The following NEK10 variants were observed in gnomAD, a reference collection of about 807,000 sequenced individuals.
NEK10 encodes the protein NIMA related kinase 10.
A neutral mutation model predicts 159.8 loss-of-function variants in NEK10; 122 were observed. The observed-to-expected ratio is 0.76, with a 90% CI of 0.66 to 0.89. The LOEUF is 0.89. NEK10 is among the 40% of genes least tolerant of loss of function. The probability of loss-of-function intolerance (pLI) is 0.00; values close to 1 mark genes in which losing one functional copy is unlikely to be tolerated. For synonymous variants in NEK10, 466 were observed against 457.1 expected (o/e 1.02, Z -0.25); for missense variants, 1,342 against 1,323.1 (o/e 1.01, Z -0.22).
intron 23 of NEK10, chr3:27,215,893 A>C (rs922355134): frequency 3.0e-5 from 21 of 700,158 alleles, no homozygotes; most frequent in Non-Finnish European, 5.0e-5. Flanking sequence ...TTAAACAACC[A>C]GATCACACGA....
chr3:27,138,008 C>T (rs1237902576), intron 31 of NEK10, among the ~76,000 whole-genome samples: 2 of 152,202 alleles, frequency 1.3e-5, no homozygotes, highest in Non-Finnish European at 2.9e-5. Context: ...TGCCATCTAG[C>T]AGGATGCTAA....
chr3:27,135,414 G>A (rs1285789449), intron 31 of NEK10, among the ~76,000 whole-genome samples: 1 of 152,070 alleles, frequency 6.6e-6, no homozygotes, highest in East Asian at 1.9e-4. Flanking sequence ...TTGTTTGCTT[G>A]TTTTTACTAT....
chr3:27,309,813 A>G (rs1197785168), intron 9 of NEK10: 1 of 152,206 alleles, frequency 6.6e-6, no homozygotes, highest in Non-Finnish European at 1.5e-5. Flanking sequence ...TATGAATACT[A>G]TCGAGCATTC....
chr3:27,113,585 C>T lies in NEK10; in HGVS notation c.3300-2265G>A, dbSNP rs371664078. 9.8e-4 allele frequency among the ~76,000 whole-genome samples: 149 copies of T among 152,052 alleles called. 3 individuals are homozygous for T. The South Asian group carries it at 0.015, about 15-fold the overall frequency. ...GCTTAAACTTGACTGTTTCATCATA[C>T]CTTCATAATAGATTCACAATTACAA... On this transcript the variant is annotated intron_variant, in intron 35 of 35. Coordinates refer to ENST00000691995, the MANE Select transcript of NEK10 (RefSeq NM_001394966.1).
At chr3:27,338,345 ATTTGGATTGG>A (rs1041552867) in intron 5 of NEK10, among the ~76,000 whole-genome samples, 2 of 152,242 alleles carry the variant, frequency 1.3e-5, no homozygotes, top group African/African-American at 2.4e-5. Context: ...ATTGATGGAC[ATTTGGATTGG>A]TTCCAAGTCT....
At chr3:27,236,824 G>A (rs1416418083) in intron 23 of NEK10, among the ~76,000 whole-genome samples, 1 of 152,144 alleles carries the variant, frequency 6.6e-6, no homozygotes, top group African/African-American at 2.4e-5. Context: ...TGCACATATT[G>A]TCTTGATAAA....
At chr3:27,153,813 A>G (rs1289045000) in intron 30 of NEK10, among the ~76,000 whole-genome samples, 1 of 152,220 alleles carries the variant, frequency 6.6e-6, no homozygotes, top group East Asian at 1.9e-4. Context: ...AAGCATTGCT[A>G]AGAGGAATGT....
chr3:27,116,652 CTAT>C (rs201485712), intron 33 of NEK10, among the ~76,000 whole-genome samples: 5 of 151,734 alleles, frequency 3.3e-5, no homozygotes, highest in African/African-American at 7.3e-5. Context: ...TTTATTATTA[CTAT>C]TATTATTATT....
At position 27,291,266 on chromosome 3, in the gene NEK10, T is replaced by A; in HGVS notation, c.1601A>T (p.Tyr534Phe). The stretch of plus-strand genomic sequence containing the variant: ...GTTCCCCAAGGGGAAAGTCACCTTG[T>A]AAACACAGCCAAAAGCTCCACTTCC... ...HLGSGAFGCV[Y>F]KVRKHSGQNL... The change falls in exon 18 of 36, where the codon TAC becomes TTC. Residue 534 changes from tyrosine to phenylalanine, a missense_variant. Transcript: ENST00000691995. 6.2e-7 allele frequency: 1 copy of A among 1,611,782 alleles called. No homozygotes were observed. The highest frequency in any genetic ancestry group is 8.5e-7 in the Non-Finnish European group (1 of 1,179,368).
At chr3:27,345,539 A>G (rs752793089) in intron 4 of NEK10, among the ~76,000 whole-genome samples, 35 of 152,306 alleles carry the variant, frequency 2.3e-4, no homozygotes, top group African/African-American at 7.2e-4. Flanking sequence ...TGACCCAAGC[A>G]CACTGTAAAA....
chr3:27,193,411 T>C (rs1308586893), intron 25 of NEK10, among the ~76,000 whole-genome samples: 3 of 152,120 alleles, frequency 2.0e-5, no homozygotes, highest in Admixed American at 1.3e-4. Flanking sequence ...TCAATAGTTC[T>C]CATGGTCCAA....
At chr3:27,343,279 G>A (rs923419645) in intron 5 of NEK10, among the ~76,000 whole-genome samples, 4 of 152,170 alleles carry the variant, frequency 2.6e-5, no homozygotes, top group South Asian at 2.1e-4. Context: ...ACTTAAGCAC[G>A]TATTGAGTAG....
At chr3:27,247,287 A>T (rs192404026) in intron 23 of NEK10, among the ~76,000 whole-genome samples, 1 of 152,090 alleles carries the variant, frequency 6.6e-6, no homozygotes, top group Admixed American at 6.5e-5. Flanking sequence ...TTTTATGTTG[A>T]GGTATGTTCT....
At chr3:27,319,924 ACT>A (rs1173744471) in intron 6 of NEK10, among the ~76,000 whole-genome samples, 5 of 152,136 alleles carry the variant, frequency 3.3e-5, no homozygotes, top group Admixed American at 1.3e-4. Flanking sequence ...ACCCTGCAGT[ACT>A]GACTGAACAA....
At chr3:27,228,033 A>T (rs988414355) in intron 23 of NEK10, among the ~76,000 whole-genome samples, 4 of 152,260 alleles carry the variant, frequency 2.6e-5, no homozygotes, top group African/African-American at 4.8e-5. Flanking sequence ...AACTTGCAAT[A>T]GTCAAGAAGT....
chr3:27,302,315 T>C (rs2043890477), intron 12 of NEK10, among the ~76,000 whole-genome samples: 1 of 152,216 alleles, frequency 6.6e-6, no homozygotes, highest in Non-Finnish European at 1.5e-5. Context: ...TTTCATTTTC[T>C]AATTTCTTTT....
chr3:27,266,113 G>C (rs896418543), intron 22 of NEK10, among the ~76,000 whole-genome samples: 9 of 152,108 alleles, frequency 5.9e-5, no homozygotes, highest in African/African-American at 2.2e-4. Flanking sequence ...CCTACAATTT[G>C]CAAATATTTT....
At chr3:27,138,826 T>C (rs1393868207) in intron 31 of NEK10, among the ~76,000 whole-genome samples, 1 of 152,214 alleles carries the variant, frequency 6.6e-6, no homozygotes, top group Non-Finnish European at 1.5e-5. Context: ...CAGGTTATCC[T>C]GATGAAGTGC....
chr3:27,297,168 A>G lies in NEK10; in HGVS notation c.1230+11T>C. 1 of 1,592,230 alleles carries G rather than the reference A, an allele frequency of 6.3e-7. No individual in the cohort carries two copies. The highest frequency in any genetic ancestry group is 8.6e-7 in the Non-Finnish European group (1 of 1,160,172). ...TTATGGAGACCTGACCTTGAGAAGG[A>G]GTGCTCTCACCTGAACCACCTGGTG... On this transcript the variant is annotated intron_variant, in intron 14 of 35. Coordinates refer to ENST00000691995, the MANE Select transcript of NEK10 (RefSeq NM_001394966.1).
Sources: gnomAD v4.1 joint callset for allele counts (sites outside exome capture counted in the v4.1 genomes callset) on GRCh38, gnomAD v4.1.1 for gene constraint, MANE v1.5 for transcripts, NCBI Gene and HGNC (gene_info 2026-07-23, HGNC 2026-07-21) for gene names.